MAP2: variants seen among roughly 807,000 people sequenced by gnomAD.
MAP2 encodes microtubule-associated protein 2.
In MAP2, 14 loss-of-function variants were observed where a neutral mutation model predicts 137.6. That is an observed-to-expected ratio of 0.10 (90% confidence interval 0.07 to 0.16). MAP2 has a LOEUF of 0.16. Ranked by LOEUF, MAP2 falls within the 10% of genes least tolerant of loss-of-function variation. The pLI is 1.00. For synonymous variants in MAP2, 786 were observed against 782.3 expected (o/e 1.00, Z -0.08); for missense variants, 2,088 against 2,191.5 (o/e 0.95, Z 0.94).
At chr2:209,654,226 A>G (rs1156667583) in intron 5 of MAP2, among the ~76,000 whole-genome samples, 1 of 152,226 alleles carries the variant, frequency 6.6e-6, no homozygotes, top group Non-Finnish European at 1.5e-5. Context: ...TTAGCTCAAG[A>G]TAGTTTACAG....
intron 1 of MAP2, among the ~76,000 whole-genome samples, chr2:209,444,072 C>G (rs1029503457): frequency 2.0e-5 from 3 of 151,624 alleles, no homozygotes; most frequent in African/African-American, 7.2e-5. Flanking sequence ...ATAAGGTCAG[C>G]AGAGATGTCT....
chr2:209,634,975 T>A (rs1359190877), intron 4 of MAP2, among the ~76,000 whole-genome samples: 1 of 152,160 alleles, frequency 6.6e-6, no homozygotes, highest in Non-Finnish European at 1.5e-5. Context: ...CTGCCTGTAG[T>A]CCCGGCTACT....
chr2:209,467,571 C>G (rs997454358), intron 1 of MAP2, among the ~76,000 whole-genome samples: 2 of 152,190 alleles, frequency 1.3e-5, no homozygotes, highest in African/African-American at 4.8e-5. Flanking sequence ...TTATGCTACT[C>G]TTTCTCTGTA....
intron 2 of MAP2, among the ~76,000 whole-genome samples, chr2:209,519,704 A>G (rs1312119874): frequency 6.6e-6 from 1 of 152,052 alleles, no homozygotes; most frequent in Non-Finnish European, 1.5e-5. Flanking sequence ...TAAGAGGTAT[A>G]TTTGTCCTTA....
intron 1 of MAP2, among the ~76,000 whole-genome samples, chr2:209,502,990 A>AT (rs34487214): frequency 5.8e-5 from 7 of 121,094 alleles, no homozygotes; most frequent in Admixed American, 9.4e-5. Context: ...TATATTTCGG[A>AT]TTTTTTTTCT....
At chr2:209,615,463 C>T (rs894845538) in intron 3 of MAP2, among the ~76,000 whole-genome samples, 1 of 152,186 alleles carries the variant, frequency 6.6e-6, no homozygotes, top group African/African-American at 2.4e-5. Context: ...TACCTAGTTT[C>T]TTCATGAGAT....
chr2:209,660,990 C>G (rs201028302), intron 5 of MAP2, among the ~76,000 whole-genome samples: 2 of 144,718 alleles, frequency 1.4e-5, no homozygotes, highest in Non-Finnish European at 3.0e-5. Context: ...GTGATCCGCC[C>G]GCCTCGGCAT....
intron 1 of MAP2, among the ~76,000 whole-genome samples, chr2:209,434,874 T>TTATATATATGTTATATATGTTA (rs1695402478): frequency 1.1e-5 from 1 of 93,178 alleles, no homozygotes; most frequent in Non-Finnish European, 2.5e-5. Flanking sequence ...TATATATATG[T>TTATATATATGTTATATATGTTA]TATATATATG....
intron 3 of MAP2, among the ~76,000 whole-genome samples, chr2:209,593,825 A>T (rs2080331745): frequency 1.4e-5 from 1 of 73,542 alleles, no homozygotes; most frequent in African/African-American, 4.9e-5. Context: ...ATAATACATT[A>T]TATTTATATT....
At chr2:209,427,198 T>C (rs1559147688) in intron 1 of MAP2, among the ~76,000 whole-genome samples, 1 of 152,158 alleles carries the variant, frequency 6.6e-6, no homozygotes, top group South Asian at 2.1e-4. Flanking sequence ...TCTTAACAGA[T>C]TAAGATAAAG....
chr2:209,597,729 C>T (rs1579885891), intron 3 of MAP2, among the ~76,000 whole-genome samples: 1 of 152,120 alleles, frequency 6.6e-6, no homozygotes, highest in African/African-American at 2.4e-5. Flanking sequence ...GCAGCTATTG[C>T]ATTTTTTGTT....
intron 5 of MAP2, among the ~76,000 whole-genome samples, chr2:209,656,550 T>C (rs2095161871): frequency 6.6e-6 from 1 of 152,080 alleles, no homozygotes; most frequent in Non-Finnish European, 1.5e-5. Flanking sequence ...TTGTCCCCTT[T>C]TTTATGATTT....
chr2:209,630,710 T>C (rs1296484176), intron 4 of MAP2, among the ~76,000 whole-genome samples: 2 of 151,654 alleles, frequency 1.3e-5, no homozygotes, highest in African/African-American at 2.4e-5. Context: ...GAGCAGGGAG[T>C]ATAGCCAGCC....
chr2:209,572,406 T>C (rs2074545655), intron 2 of MAP2, among the ~76,000 whole-genome samples: 1 of 152,284 alleles, frequency 6.6e-6, no homozygotes, highest in East Asian at 1.9e-4. Flanking sequence ...CTAAATATTT[T>C]GTTTAAATAT....
At chr2:209,728,872 C>G (rs1263738037) in intron 14 of MAP2, among the ~76,000 whole-genome samples, 4 of 152,190 alleles carry the variant, frequency 2.6e-5, no homozygotes, top group Non-Finnish European at 4.4e-5. Context: ...CAGAAGAACG[C>G]ATGTGCTCAA....
rs1369524570 is a variant in MAP2 at position 209,600,562 on chromosome 2, C to T, written c.-107+20462C>T. Among the ~76,000 whole-genome samples, 3 of 152,158 alleles carry T rather than the reference C, an allele frequency of 2.0e-5. No individual in the cohort carries two copies. In the East Asian group the frequency reaches 5.8e-4, roughly 29 times the overall value. On this transcript the variant is annotated intron_variant, in intron 3 of 15. Coordinates refer to ENST00000682079, the MANE Select transcript of MAP2 (RefSeq NM_001375505.1). ...TTCCCCCTAACTAGTGTCAAAATCC[C>T]TACCAATCCCCCAAATGGCAAAGAT...
At chr2:209,659,314 A>G (rs2042337262) in intron 5 of MAP2, among the ~76,000 whole-genome samples, 1 of 152,154 alleles carries the variant, frequency 6.6e-6, no homozygotes, top group Non-Finnish European at 1.5e-5. Context: ...TTTATTAGAA[A>G]ATCGTGGTGA....
At chr2:209,541,811 C>A (rs984226275) in intron 2 of MAP2, among the ~76,000 whole-genome samples, 2 of 152,198 alleles carry the variant, frequency 1.3e-5, no homozygotes, top group African/African-American at 4.8e-5. Flanking sequence ...TTTTCTATTT[C>A]CACCACATGT....
chr2:209,481,772 A>G (rs1425531104), intron 1 of MAP2, among the ~76,000 whole-genome samples: 1 of 152,222 alleles, frequency 6.6e-6, no homozygotes, highest in Non-Finnish European at 1.5e-5. Context: ...ATAGTAGAAT[A>G]CATTTTTATT....
Sources: allele counts gnomAD v4.1 joint callset (sites outside exome capture counted in the v4.1 genomes callset), GRCh38; gene constraint gnomAD v4.1.1; transcripts MANE v1.5; gene names NCBI Gene and HGNC (gene_info 2026-07-23, HGNC 2026-07-21).